Variants in EP300 observed in about 807,000 individuals in gnomAD.
The protein encoded by EP300 is histone acetyltransferase p300.
A neutral mutation model predicts 264.0 loss-of-function variants in EP300; 31 were observed. That is an observed-to-expected ratio of 0.12 (90% CI 0.09 to 0.16). The LOEUF is 0.16. EP300 is among the 10% of genes least tolerant of loss of function. The probability of loss-of-function intolerance (pLI) is 1.00; values close to 1 mark genes in which losing one functional copy is unlikely to be tolerated. For synonymous variants in EP300, 1,340 were observed against 1,045.4 expected, an observed-to-expected ratio of 1.28 and a Z score of -5.44; for missense variants, 2,766 against 3,052.9, an observed-to-expected ratio of 0.91 and a Z score of 2.21.
At chr22:41,145,098 C>T (rs1289332814) in intron 10 of EP300, among the ~76,000 whole-genome samples, 1 of 152,108 alleles carries the variant, frequency 6.6e-6, no homozygotes, top group Non-Finnish European at 1.5e-5. Flanking sequence ...CTTGGAACAC[C>T]TATCCATATT....
intron 1 of EP300, among the ~76,000 whole-genome samples, chr22:41,116,478 C>G (rs1032356496): frequency 6.6e-6 from 1 of 152,094 alleles, no homozygotes; most frequent in Non-Finnish European, 1.5e-5. Flanking sequence ...TTTTCTTTTC[C>G]TATGTTTTCT....
rs757685665 is a variant in EP300 at position 41,157,165 on chromosome 22, C to T, written c.3262-4C>T. On this transcript the variant is annotated splice_region_variant and splice_polypyrimidine_tract_variant and intron_variant, in intron 17 of 30. Coordinates refer to ENST00000263253, the MANE Select transcript of EP300 (RefSeq NM_001429.4). The stretch of plus-strand genomic sequence containing the variant: ...GTAATGTTTGATGTCACTTGTCTTT[C>T]TAGGATTACTTTGATATTGTGAAGA... The T allele has an allele frequency of 6.2e-7, 1 of 1,613,770 alleles. No individual in the cohort carries two copies. Among genetic ancestry groups the T allele is most frequent in the South Asian group, 1.1e-5 (1 of 91,050 alleles).
Position 41,157,115 on chromosome 22 carries a change from C to G in EP300, c.3262-54C>G, listed in dbSNP as rs1286235212. ...ACAATGATAATGGATGATACTCCAT[C>G]TCCCGTAAAAATAGTGAGACTTGAG... On this transcript the variant is annotated intron_variant, in intron 17 of 30. Transcript: ENST00000263253. The G allele has an allele frequency of 2.5e-6, 4 of 1,609,662 alleles. No individual in the cohort carries two copies. In the Admixed American group the frequency reaches 5.0e-5, roughly 20 times the overall value.
chr22:41,159,715 C>T (rs2059097365), intron 19 of EP300: 1 of 152,220 alleles, frequency 6.6e-6, no homozygotes, highest in African/African-American at 2.4e-5. Flanking sequence ...CACTCTGTCA[C>T]TCAGGCTGGA....
chr22:41,143,187 T>A (rs1324287462), intron 10 of EP300, among the ~76,000 whole-genome samples: 2 of 152,174 alleles, frequency 1.3e-5, no homozygotes, highest in African/African-American at 2.4e-5. Flanking sequence ...TGGTGGTGGC[T>A]CACGCCTGTA....
intron 1 of EP300, among the ~76,000 whole-genome samples, chr22:41,110,359 G>T (rs969762474): frequency 8.3e-6 from 1 of 120,658 alleles, no homozygotes; most frequent in Non-Finnish European, 1.6e-5. Flanking sequence ...CTGGAGTGCA[G>T]TGGTGTCATT....
rs118065748 is a variant in EP300 at position 41,163,959 on chromosome 22, C to T, written c.3729-94C>T. On this transcript the variant is annotated intron_variant, in intron 21 of 30. Transcript: ENST00000263253. The stretch of plus-strand genomic sequence containing the variant: ...CTATTTTCAGTTCTTTGGTCATGAC[C>T]TTGGCTGTCTTTGTCAGAAGTCATG... 44,352 of 1,129,622 alleles carry T rather than the reference C, an allele frequency of 0.039. 1,127 individuals carry two copies. Among genetic ancestry groups the T allele is most frequent in the Non-Finnish European group, 0.048 (35,715 of 738,348 alleles). The allele number at this position is 1,129,622 out of a possible 1,614,324, so 70.0% of individuals were successfully genotyped here.
chr22:41,140,712 T>C (rs2058977165), intron 9 of EP300, among the ~76,000 whole-genome samples: 1 of 152,040 alleles, frequency 6.6e-6, no homozygotes, highest in Admixed American at 6.6e-5. Flanking sequence ...GGTGGGGGAA[T>C]CACCAGAGCC....
chr22:41,140,654 C>A (rs992462374), intron 9 of EP300, among the ~76,000 whole-genome samples: 1 of 152,048 alleles, frequency 6.6e-6, no homozygotes, highest in Non-Finnish European at 1.5e-5. Context: ...AAAAAATTAG[C>A]CAGGCATGGT....
At chr22:41,145,239 C>CT (rs1372886006) in intron 10 of EP300, among the ~76,000 whole-genome samples, 3 of 152,192 alleles carry the variant, frequency 2.0e-5, no homozygotes, top group Non-Finnish European at 4.4e-5. Flanking sequence ...GATCCTGATT[C>CT]ATTTTTCTAT....
At chr22:41,135,759 T>C (rs2058947035) in intron 6 of EP300, 54 bp from the exon 7 acceptor site, 3 of 1,292,356 alleles carry the variant, frequency 2.3e-6, no homozygotes, top group East Asian at 2.3e-5. Flanking sequence ...TAGTATTTAT[T>C]GTATGGTGGC....
intron 1 of EP300, 138 bp downstream of exon 1, chr22:41,093,236 C>T (rs1431225194): frequency 2.5e-5 from 22 of 895,734 alleles, no homozygotes; most frequent in African/African-American, 3.4e-5. Flanking sequence ...TTTGAATGAG[C>T]TGGTCGAAGA....
chr22:41,176,104 C>G (rs750501647), intron 29 of EP300, 143 bp from the exon 30 acceptor site: 1 of 920,614 alleles, frequency 1.1e-6, no homozygotes, highest in Non-Finnish European at 1.7e-6. Flanking sequence ...CCTGTGGTCT[C>G]AGCTATTCAG....
At chr22:41,112,064 T>G (rs934962201) in intron 1 of EP300, among the ~76,000 whole-genome samples, 1 of 150,858 alleles carries the variant, frequency 6.6e-6, no homozygotes. Flanking sequence ...ATTTTTTGTA[T>G]TTTTTAGTAG....
At chr22:41,106,366 CTT>C (rs964357785) in intron 1 of EP300, among the ~76,000 whole-genome samples, 8 of 152,138 alleles carry the variant, frequency 5.3e-5, no homozygotes, top group African/African-American at 1.9e-4. Context: ...CAACTCCATT[CTT>C]TTTTTGTTTC....
intron 14 of EP300, among the ~76,000 whole-genome samples, chr22:41,151,491 C>CT (rs781537606): frequency 5.3e-5 from 8 of 152,136 alleles, no homozygotes; most frequent in Admixed American, 1.3e-4. Context: ...ACAAGCCAGT[C>CT]TTTCTTATTT....
At chr22:41,150,870 G>A (rs895537743) in intron 14 of EP300, among the ~76,000 whole-genome samples, 1 of 149,556 alleles carries the variant, frequency 6.7e-6, no homozygotes, top group Non-Finnish European at 1.5e-5. Context: ...TAGCCTAGGC[G>A]ACAGAGTGAA....
In EP300 at chr22:41,157,472, A is replaced by G. The variant is rs1601624853; in HGVS notation, c.3501+64A>G. On this transcript the variant is annotated intron_variant, in intron 18 of 30. Transcript: ENST00000263253. Reference sequence around the variant, plus strand: ...GGATACCTAGAATAATATAGTGGTGACTGGGATAAGAGAATATCCTGCTTC... The same window carrying G: ...GGATACCTAGAATAATATAGTGGTGGCTGGGATAAGAGAATATCCTGCTTC... The G allele has an allele frequency of 2.3e-5, 31 of 1,359,442 alleles. No homozygotes were observed. The East Asian group carries it at 7.7e-4, about 34-fold the overall frequency. The allele number at this position is 1,359,442 out of a possible 1,614,324, so 84.2% of individuals were successfully genotyped here. A position where few individuals can be genotyped will look rare whatever the true frequency, so the allele number is the denominator to read the frequency against.
chr22:41,103,527 G>A (rs572649175), intron 1 of EP300, among the ~76,000 whole-genome samples: 3 of 152,284 alleles, frequency 2.0e-5, no homozygotes, highest in Non-Finnish European at 2.9e-5. Context: ...GGTTTGGAGC[G>A]TTGATGGAAA....
Sources: gnomAD v4.1 joint callset for allele counts (sites outside exome capture counted in the v4.1 genomes callset) on GRCh38, gnomAD v4.1.1 for gene constraint, MANE v1.5 for transcripts, NCBI Gene and HGNC (gene_info 2026-07-23, HGNC 2026-07-21) for gene names.